Variants in KCNH8 observed in about 807,000 individuals in gnomAD.
The protein encoded by KCNH8 is potassium voltage-gated channel subfamily H member 8.
A neutral mutation model predicts 103.6 loss-of-function variants in KCNH8; 70 were observed. The ratio of observed to expected loss-of-function variants is 0.68; its 90% CI spans 0.56 to 0.82. The LOEUF is 0.82. Among genes scored for constraint, KCNH8 ranks in the 40% least tolerant of loss-of-function variants. KCNH8 has a pLI of 0.00. For synonymous variants in KCNH8, 498 were observed against 489.4 expected, an observed-to-expected ratio of 1.02 and a Z score of -0.23; for missense variants, 1,217 against 1,329.9, an observed-to-expected ratio of 0.92 and a Z score of 1.32.
chr3:19,204,912 C>A (rs1246005682), intron 1 of KCNH8, among the ~76,000 whole-genome samples: 3 of 152,030 alleles, frequency 2.0e-5, no homozygotes, highest in Non-Finnish European at 4.4e-5. Flanking sequence ...CTTCCTGAGT[C>A]TTGTCAACAT....
intron 2 of KCNH8, among the ~76,000 whole-genome samples, chr3:19,280,982 C>T (rs1559456904): frequency 6.6e-6 from 1 of 152,006 alleles, no homozygotes; most frequent in Non-Finnish European, 1.5e-5. Context: ...GTTTAAAATA[C>T]TTCTTTATTT....
At chr3:19,234,381 TG>T (rs1027212329) in intron 1 of KCNH8, among the ~76,000 whole-genome samples, 1 of 152,114 alleles carries the variant, frequency 6.6e-6, no homozygotes, top group African/African-American at 2.4e-5. Flanking sequence ...CCCACGGAGT[TG>T]GGGGGAGGCT....
chr3:19,318,164 C>A (rs2065299777), intron 3 of KCNH8, among the ~76,000 whole-genome samples: 2 of 151,910 alleles, frequency 1.3e-5, no homozygotes, highest in African/African-American at 2.4e-5. Context: ...AAGTTGCTAG[C>A]ATTCCTGTAC....
intron 5 of KCNH8, among the ~76,000 whole-genome samples, chr3:19,353,260 A>G (rs2065830434): frequency 6.6e-6 from 1 of 152,170 alleles, no homozygotes; most frequent in Non-Finnish European, 1.5e-5. Flanking sequence ...TCAACCAAAA[A>G]AAGTCCAGGA....
intron 7 of KCNH8, among the ~76,000 whole-genome samples, chr3:19,403,599 G>T (rs2066648880): frequency 6.6e-6 from 1 of 151,194 alleles, no homozygotes; most frequent in Non-Finnish European, 1.5e-5. Flanking sequence ...ATTAAATACT[G>T]ACTAAGTCTG....
At chr3:19,191,289 T>C (rs759250236) in intron 1 of KCNH8, among the ~76,000 whole-genome samples, 2 of 151,826 alleles carry the variant, frequency 1.3e-5, no homozygotes, top group Non-Finnish European at 2.9e-5. Flanking sequence ...ACTGTAGTTG[T>C]GTGAGAACAT....
intron 1 of KCNH8, among the ~76,000 whole-genome samples, chr3:19,156,184 A>G (rs2063179493): frequency 6.6e-6 from 1 of 152,152 alleles, no homozygotes; most frequent in African/African-American, 2.4e-5. Flanking sequence ...GGGCATGTCT[A>G]CATGCATGCT....
At chr3:19,333,939 T>A (rs1256209395) in intron 3 of KCNH8, among the ~76,000 whole-genome samples, 1 of 152,150 alleles carries the variant, frequency 6.6e-6, no homozygotes, top group African/African-American at 2.4e-5. Flanking sequence ...AAATTTTTTT[T>A]AAGCAGCACT....
chr3:19,494,933 A>G (rs1032611874), intron 11 of KCNH8, among the ~76,000 whole-genome samples: 2 of 152,036 alleles, frequency 1.3e-5, no homozygotes, highest in East Asian at 3.9e-4. Flanking sequence ...TTTGATTTGC[A>G]TTTCTCTAAT....
intron 1 of KCNH8, among the ~76,000 whole-genome samples, chr3:19,246,990 T>C (rs992053219): frequency 6.6e-6 from 1 of 152,202 alleles, no homozygotes; most frequent in South Asian, 2.1e-4. Flanking sequence ...TTTCTACTAC[T>C]ACCTCAGCAC....
At chr3:19,204,982 C>T (rs1284604557) in intron 1 of KCNH8, among the ~76,000 whole-genome samples, 3 of 151,920 alleles carry the variant, frequency 2.0e-5, no homozygotes, top group African/African-American at 7.3e-5. Flanking sequence ...GTTTCCTATA[C>T]CTATTAGGGG....
At chr3:19,436,364 AT>A (rs377642338) in intron 7 of KCNH8, among the ~76,000 whole-genome samples, 10 of 152,314 alleles carry the variant, frequency 6.6e-5, no homozygotes, top group African/African-American at 2.2e-4. Context: ...GCATAAAAAA[AT>A]GATTGGATTC....
chr3:19,198,681 T>A (rs532642421), intron 1 of KCNH8, among the ~76,000 whole-genome samples: 2 of 151,992 alleles, frequency 1.3e-5, no homozygotes, highest in South Asian at 2.1e-4. Flanking sequence ...AACAAAAAAA[T>A]TTTCCAAACA....
chr3:19,171,857 G>A (rs906864801), intron 1 of KCNH8, among the ~76,000 whole-genome samples: 1 of 151,914 alleles, frequency 6.6e-6, no homozygotes, highest in Admixed American at 6.5e-5. Flanking sequence ...TGTTGGTGTT[G>A]GTTAGTTTGT....
intron 1 of KCNH8, among the ~76,000 whole-genome samples, chr3:19,232,377 T>C (rs1392970864): frequency 6.6e-6 from 1 of 152,210 alleles, no homozygotes; most frequent in African/African-American, 2.4e-5. Flanking sequence ...ATGTAGAAAA[T>C]CTTAGCTACA....
chr3:19,231,796 G>C (rs1013306151), intron 1 of KCNH8, among the ~76,000 whole-genome samples: 1 of 152,222 alleles, frequency 6.6e-6, no homozygotes, highest in Admixed American at 6.5e-5. Flanking sequence ...GTCTGATTCT[G>C]TGAATGCTAC....
chr3:19,525,202 G>A (rs1035593521), intron 15 of KCNH8, among the ~76,000 whole-genome samples: 3 of 151,632 alleles, frequency 2.0e-5, no homozygotes, highest in Non-Finnish European at 2.9e-5. Context: ...TATTATTTTT[G>A]TCAATTTAAA....
intron 7 of KCNH8, among the ~76,000 whole-genome samples, chr3:19,408,633 T>C (rs938906117): frequency 4.6e-5 from 7 of 151,978 alleles, no homozygotes; most frequent in African/African-American, 1.7e-4. Context: ...AGCAATCCAG[T>C]AAATGAAGGA....
chr3:19,494,812 C>T (rs2068402451), intron 11 of KCNH8, among the ~76,000 whole-genome samples: 1 of 152,180 alleles, frequency 6.6e-6, no homozygotes, highest in Non-Finnish European at 1.5e-5. Flanking sequence ...AATTTATACT[C>T]TTACCAACAG....
Sources: gnomAD v4.1 joint callset for allele counts (sites outside exome capture counted in the v4.1 genomes callset) on GRCh38, gnomAD v4.1.1 for gene constraint, MANE v1.5 for transcripts, NCBI Gene and HGNC (gene_info 2026-07-23, HGNC 2026-07-21) for gene names.